Variants in SLC44A3 observed in about 807,000 individuals in gnomAD.
The protein encoded by SLC44A3 is choline transporter-like protein 3.
In SLC44A3, 74 loss-of-function variants were observed where a neutral mutation model predicts 75.4. The ratio of observed to expected loss-of-function variants is 0.98; its 90% CI spans 0.81 to 1.19. The LOEUF is 1.19. Ranked by LOEUF, SLC44A3 falls within the 50% of genes most tolerant of loss-of-function variation. The pLI is 0.00. For missense variants in SLC44A3, 700 were observed against 778.6 expected (o/e 0.90, Z 1.20); for synonymous variants, 310 against 296.9 (o/e 1.04, Z -0.45).
chr1:94,849,056 AACTGCCAGCCTG>A (rs1208456819), intron 9 of SLC44A3, among the ~76,000 whole-genome samples: 2 of 144,738 alleles, frequency 1.4e-5, no homozygotes, highest in African/African-American at 5.8e-5. Flanking sequence ...TGTGCCCCTT[AACTGCCAGCCTG>A]TGCCCCTGAC....
At chr1:94,859,539 A>C (rs986795158) in intron 10 of SLC44A3, among the ~76,000 whole-genome samples, 2 of 152,244 alleles carry the variant, frequency 1.3e-5, no homozygotes, top group Non-Finnish European at 2.9e-5. Context: ...AGAATCCCAG[A>C]GAGGCTCAGG....
At chr1:94,890,864 C>T (rs1195837827) in intron 12 of SLC44A3, among the ~76,000 whole-genome samples, 3 of 152,114 alleles carry the variant, frequency 2.0e-5, no homozygotes, top group Non-Finnish European at 4.4e-5. Flanking sequence ...AAATAAAACC[C>T]TTATGCTTTA....
chr1:94,853,572 T>C (rs921876649), intron 9 of SLC44A3, among the ~76,000 whole-genome samples: 4 of 152,172 alleles, frequency 2.6e-5, no homozygotes, highest in African/African-American at 4.8e-5. Flanking sequence ...GGCCATAGGA[T>C]CATGGGCCAT....
intron 12 of SLC44A3, among the ~76,000 whole-genome samples, chr1:94,868,595 G>C (rs1176387433): frequency 6.6e-6 from 1 of 152,176 alleles, no homozygotes; most frequent in Non-Finnish European, 1.5e-5. Context: ...ATTTGTCGTG[G>C]TGTAAGATGT....
rs752489476 is a variant in SLC44A3 at position 94,892,473 on chromosome 1, G to A, written c.1813G>A (p.Asp605Asn). ...LCFAVDLETN[D>N]GSSEKPYFMD... ...TTTTGCTGTTGATCTGGAAACAAAT[G>A]ATGGATCGTCAGAAAAGCCCTACTT... The change falls in exon 14 of 15, where the codon GAT becomes AAT. Residue 605 changes from aspartate (D) to asparagine (N), a missense_variant. Coordinates refer to ENST00000271227, the MANE Select transcript of SLC44A3 (RefSeq NM_001114106.3). 8.7e-6 allele frequency: 14 copies of A among 1,614,194 alleles called. No individual in the cohort carries two copies. In the East Asian group the frequency reaches 3.1e-4, roughly 36 times the overall value.
chr1:94,820,919 C>A, intron 1 of SLC44A3, 30 bp from the exon 2 acceptor site: 1 of 1,542,128 alleles, frequency 6.5e-7, no homozygotes, highest in Non-Finnish European at 8.8e-7. Context: ...TGTTTATCTT[C>A]TTTTTCTCAA....
intron 9 of SLC44A3, among the ~76,000 whole-genome samples, chr1:94,852,575 T>C (rs2101181641): frequency 6.6e-6 from 1 of 152,300 alleles, no homozygotes; most frequent in South Asian, 2.1e-4. Context: ...GTAGGAACTT[T>C]GGCTTCTAAC....
At chr1:94,841,957 T>G in intron 7 of SLC44A3, 43 bp from the exon 8 acceptor site, 1 of 1,569,944 alleles carries the variant, frequency 6.4e-7, no homozygotes, top group East Asian at 2.3e-5. Flanking sequence ...AAAGGTTACC[T>G]CATGGCGTGT....
chr1:94,829,248 A>G (rs1163826468), intron 5 of SLC44A3, among the ~76,000 whole-genome samples: 2 of 151,762 alleles, frequency 1.3e-5, no homozygotes, highest in Non-Finnish European at 2.9e-5. Flanking sequence ...GCGACACTGC[A>G]CTCCAGCCTG....
chr1:94,845,856 A>T (rs940608731), intron 9 of SLC44A3, among the ~76,000 whole-genome samples: 1 of 152,198 alleles, frequency 6.6e-6, no homozygotes, highest in African/African-American at 2.4e-5. Context: ...TCTATTAAAA[A>T]TATATTGTGC....
intron 8 of SLC44A3, among the ~76,000 whole-genome samples, chr1:94,844,360 T>C: frequency 6.6e-6 from 1 of 152,210 alleles, no homozygotes; most frequent in East Asian, 1.9e-4. Flanking sequence ...GTGCTTATTC[T>C]TCCAGCACCT....
At chr1:94,883,376 G>T (rs1003404995) in intron 12 of SLC44A3, among the ~76,000 whole-genome samples, 2 of 152,140 alleles carry the variant, frequency 1.3e-5, no homozygotes, top group African/African-American at 4.8e-5. Flanking sequence ...GGTGGCGCAT[G>T]CCTGTATTTC....
chr1:94,858,974 G>A (rs1666245850), intron 10 of SLC44A3, among the ~76,000 whole-genome samples: 2 of 152,118 alleles, frequency 1.3e-5, no homozygotes, highest in African/African-American at 4.8e-5. Context: ...TACAGGATGA[G>A]CCACGACACC....
At chr1:94,823,809 A>G (rs1571143575) in intron 2 of SLC44A3, among the ~76,000 whole-genome samples, 1 of 152,236 alleles carries the variant, frequency 6.6e-6, no homozygotes, top group Admixed American at 6.5e-5. Context: ...GGGAAGATAC[A>G]TATTCAATCT....
At chr1:94,837,515 T>G (rs904534120) in intron 5 of SLC44A3, among the ~76,000 whole-genome samples, 196 bp from the exon 6 acceptor site, 7 of 152,210 alleles carry the variant, frequency 4.6e-5, no homozygotes, top group African/African-American at 1.7e-4. Context: ...CAACTTCCTA[T>G]TCAGAACATC....
At chr1:94,827,789 C>T in intron 4 of SLC44A3, 146 bp downstream of exon 4, 1 of 954,756 alleles carries the variant, frequency 1.0e-6, no homozygotes, top group Non-Finnish European at 1.5e-6. Flanking sequence ...GTGGAAAAGG[C>T]CGTAAGCATT....
intron 5 of SLC44A3, chr1:94,836,976 C>T (rs994494366): frequency 6.7e-6 from 1 of 149,978 alleles, no homozygotes; most frequent in African/African-American, 2.5e-5. Flanking sequence ...TGTACACATA[C>T]CACAGAGTAG....
At chr1:94,860,657 A>G (rs994609688) in intron 10 of SLC44A3, among the ~76,000 whole-genome samples, 3 of 152,340 alleles carry the variant, frequency 2.0e-5, no homozygotes, top group South Asian at 2.1e-4. Context: ...TTTCCAACCT[A>G]GAATTGTATA....
intron 9 of SLC44A3, among the ~76,000 whole-genome samples, chr1:94,853,199 T>TG: frequency 6.6e-6 from 1 of 152,128 alleles, no homozygotes; most frequent in Non-Finnish European, 1.5e-5. Context: ...GGGTGGAGTG[T>TG]GGGGCCCTGG....
Sources: gnomAD v4.1 joint callset for allele counts (sites outside exome capture counted in the v4.1 genomes callset) on GRCh38, gnomAD v4.1.1 for gene constraint, MANE v1.5 for transcripts, NCBI Gene and HGNC (gene_info 2026-07-23, HGNC 2026-07-21) for gene names.